IGF2BP2: variants seen among roughly 807,000 people sequenced by gnomAD.
IGF2BP2 encodes the protein insulin like growth factor 2 mRNA binding protein 2, also known as insulin-like growth factor 2 mRNA-binding protein 2.
A neutral mutation model predicts 75.8 loss-of-function variants in IGF2BP2; 17 were observed. That is an observed-to-expected ratio of 0.22 (90% CI 0.15 to 0.34). The LOEUF is 0.34. Ranked by LOEUF, IGF2BP2 falls within the 10% of genes least tolerant of loss-of-function variation. The probability of loss-of-function intolerance (pLI) is 1.00; values close to 1 mark genes in which losing one functional copy is unlikely to be tolerated. For missense variants in IGF2BP2, 516 were observed against 772.4 expected, an observed-to-expected ratio of 0.67 and a Z score of 3.93; for synonymous variants, 288 against 295.6, an observed-to-expected ratio of 0.97 and a Z score of 0.26.
chr3:185,691,299 T>C (rs1296208961), intron 5 of IGF2BP2, among the ~76,000 whole-genome samples: 1 of 152,008 alleles, frequency 6.6e-6, no homozygotes, highest in African/African-American at 2.4e-5. Context: ...GGTTTCTCCA[T>C]GTTGGTCAGG....
rs533432380 is a variant in IGF2BP2, at chr3:185,662,081, C to G, written c.1201-3672G>C. ...GACTTGACACTCAGCAGGACAGACGCCCTTGACGGGTGCTATGTGGCATTC... is the reference window on the plus strand; with the variant it reads ...GACTTGACACTCAGCAGGACAGACGGCCTTGACGGGTGCTATGTGGCATTC... On this transcript the variant is annotated intron_variant, in intron 10 of 15. Transcript: ENST00000382199. Among the ~76,000 whole-genome samples, 67 of 152,154 alleles carry G rather than the reference C, an allele frequency of 4.4e-4. No individual in the cohort carries two copies. In the South Asian group the frequency reaches 0.014, roughly 31 times the overall value.
At chr3:185,802,115 G>A (rs944557518) in intron 2 of IGF2BP2, among the ~76,000 whole-genome samples, 1 of 151,978 alleles carries the variant, frequency 6.6e-6, no homozygotes, top group African/African-American at 2.4e-5. Flanking sequence ...AACCACCATG[G>A]CACATGTATA....
At chr3:185,751,965 A>T (rs543760237) in intron 2 of IGF2BP2, among the ~76,000 whole-genome samples, 3 of 152,216 alleles carry the variant, frequency 2.0e-5, no homozygotes, top group Non-Finnish European at 2.9e-5. Flanking sequence ...CTGTCTCAAA[A>T]AATAATAATA....
intron 2 of IGF2BP2, among the ~76,000 whole-genome samples, chr3:185,764,781 G>C (rs990612655): frequency 6.6e-6 from 1 of 152,178 alleles, no homozygotes; most frequent in African/African-American, 2.4e-5. Flanking sequence ...TGAGATCACA[G>C]CTTCAAGAAG....
intron 2 of IGF2BP2, among the ~76,000 whole-genome samples, chr3:185,801,773 C>G (rs1738314650): frequency 6.6e-6 from 1 of 151,964 alleles, no homozygotes; most frequent in African/African-American, 2.4e-5. Flanking sequence ...AACCCAAATG[C>G]CCATCAATGA....
At position 185,643,762 on chromosome 3, in the gene IGF2BP2, GTTTT is replaced by G. The variant is rs1452404325; in HGVS notation, c.*1765_*1768del. ...GATCTTGTTAGCTGGATATATTTCT[GTTTT>G]TTCTTTTTTTTTCTTTTTTTTTTTT... On this transcript the variant is annotated 3_prime_UTR_variant, in exon 16 of 16. Transcript: ENST00000382199. 2 of 132,610 alleles carry G rather than the reference GTTTT, an allele frequency of 1.5e-5. No individual in the cohort carries two copies. Among genetic ancestry groups the G allele is most frequent in the African/African-American group, 2.8e-5 (1 of 35,644 alleles). 8.2% of individuals were successfully genotyped at this position (132,610 alleles called of 1,614,324 possible).
chr3:185,778,057 T>C (rs1052960761), intron 2 of IGF2BP2, among the ~76,000 whole-genome samples: 1 of 152,082 alleles, frequency 6.6e-6, no homozygotes, highest in African/African-American at 2.4e-5. Flanking sequence ...TCGCTGAGCA[T>C]TGTTGTGCTG....
chr3:185,781,229 A>G (rs1433396032), intron 2 of IGF2BP2, among the ~76,000 whole-genome samples: 1 of 152,226 alleles, frequency 6.6e-6, no homozygotes, highest in Non-Finnish European at 1.5e-5. Flanking sequence ...GTCTGTTTTT[A>G]TTGTGGAAAA....
chr3:185,688,541 C>T lies in IGF2BP2; in HGVS notation c.677+814G>A, dbSNP rs191323041. Among the ~76,000 whole-genome samples, 642 of 152,228 alleles carry T rather than the reference C, an allele frequency of 4.2e-3. 2 individuals are homozygous for T. The highest frequency in any genetic ancestry group is 7.2e-3 in the African/African-American group (300 of 41,502). ...TATTTTTAGTAGAGACAGGGTTTCA[C>T]CATGTTAGCCAGGCTGGTCTCGAAC... On this transcript the variant is annotated intron_variant, in intron 6 of 15. Transcript: ENST00000382199.
At chr3:185,711,314 T>A (rs557227849) in intron 2 of IGF2BP2, among the ~76,000 whole-genome samples, 1 of 152,334 alleles carries the variant, frequency 6.6e-6, no homozygotes, top group African/African-American at 2.4e-5. Flanking sequence ...CCTATTCCTA[T>A]CCCTGCACAC....
At chr3:185,768,423 G>C (rs747150638) in intron 2 of IGF2BP2, among the ~76,000 whole-genome samples, 11 of 151,990 alleles carry the variant, frequency 7.2e-5, no homozygotes, top group Non-Finnish European at 1.3e-4. Flanking sequence ...TTTTTCTGTG[G>C]GATTCAGTTT....
intron 5 of IGF2BP2, 58 bp downstream of exon 5, chr3:185,692,641 T>C: frequency 2.2e-6 from 3 of 1,393,672 alleles, no homozygotes; most frequent in South Asian, 1.2e-5. Context: ...CAGAACTCAA[T>C]GGAATTCAAA....
At chr3:185,743,036 T>G (rs1345148962) in intron 2 of IGF2BP2, among the ~76,000 whole-genome samples, 1 of 151,584 alleles carries the variant, frequency 6.6e-6, no homozygotes, top group Non-Finnish European at 1.5e-5. Flanking sequence ...GAGGCGGAGG[T>G]TGCAGTGAGC....
At chr3:185,775,229 G>A (rs1734398268) in intron 2 of IGF2BP2, among the ~76,000 whole-genome samples, 1 of 152,178 alleles carries the variant, frequency 6.6e-6, no homozygotes, top group Non-Finnish European at 1.5e-5. Context: ...TGAGAGCTCA[G>A]TAAATGATGG....
chr3:185,796,617 GA>G (rs539355035), intron 2 of IGF2BP2, among the ~76,000 whole-genome samples: 6,219 of 75,878 alleles, frequency 0.082, 466 homozygotes, highest in African/African-American at 0.32. Flanking sequence ...CCTGAGCTAG[GA>G]AAAAAAAAAA....
intron 2 of IGF2BP2, among the ~76,000 whole-genome samples, chr3:185,819,775 A>C (rs1741086997): frequency 6.6e-6 from 1 of 152,122 alleles, no homozygotes; most frequent in African/African-American, 2.4e-5. Flanking sequence ...ACCTAATAAA[A>C]GTCATTTCTG....
intron 13 of IGF2BP2, among the ~76,000 whole-genome samples, chr3:185,651,513 C>T (rs1427226504): frequency 6.6e-6 from 1 of 152,196 alleles, no homozygotes; most frequent in Non-Finnish European, 1.5e-5. Flanking sequence ...CTGCCCCTGG[C>T]TGAGGCTATT....
At chr3:185,679,513 A>G (rs1254949617) in intron 7 of IGF2BP2, among the ~76,000 whole-genome samples, 30 of 152,128 alleles carry the variant, frequency 2.0e-4, no homozygotes, top group Admixed American at 1.8e-3. Flanking sequence ...ACAGGTTACT[A>G]TATTTGTTAA....
chr3:185,764,879 A>C lies in IGF2BP2; in HGVS notation c.239+58274T>G, dbSNP rs114120963. Among the ~76,000 whole-genome samples, 1,289 of 152,196 alleles carry C rather than the reference A, an allele frequency of 8.5e-3. 20 individuals are homozygous for C. The highest frequency in any genetic ancestry group is 0.029 in the African/African-American group (1,224 of 41,530). On this transcript the variant is annotated intron_variant, in intron 2 of 15. Coordinates refer to ENST00000382199, the MANE Select transcript of IGF2BP2 (RefSeq NM_006548.6). ...CAGCCTTGCCCCCAGCTCTGAGACA[A>C]TGGGGCTCTGTGTAGGAGCAGAGGC... is the stretch of plus-strand genomic sequence containing the variant.
Sources: allele counts gnomAD v4.1 joint callset (sites outside exome capture counted in the v4.1 genomes callset), GRCh38; gene constraint gnomAD v4.1.1; transcripts MANE v1.5; gene names NCBI Gene and HGNC (gene_info 2026-07-23, HGNC 2026-07-21).